Variants in TNXB observed in about 807,000 individuals in gnomAD.
TNXB encodes tenascin-X.
TNXB carries 183 observed loss-of-function variants against 340.5 expected under a neutral mutation model. The observed-to-expected ratio is 0.54, with a 90% confidence interval of 0.48 to 0.61. The LOEUF is 0.61. Ranked by LOEUF, TNXB falls within the 20% of genes least tolerant of loss-of-function variation. The pLI is 0.00. For missense variants in TNXB, 4,613 were observed against 5,446.4 expected, an observed-to-expected ratio of 0.85 and a Z score of 4.82; for synonymous variants, 2,121 against 2,314.5, an observed-to-expected ratio of 0.92 and a Z score of 2.40.
In TNXB at chr6:32,097,617, G is replaced by A. The variant is rs571857213; in HGVS notation, c.404-168C>T. The stretch of plus-strand genomic sequence containing the variant: ...ATGTATGCAGCCTCTCAGGGCCCTC[G>A]CATATGCTTTGGTTGACATGTAGCC... On this transcript the variant is annotated intron_variant, in intron 2 of 43. Transcript: ENST00000644971. This position sits in a 1 kb window ranked among gnomAD's most constrained non-coding sequence, Gnocchi z 5.9. The A allele has an allele frequency of 2.7e-4, 300 of 1,091,636 alleles. 1 individual carries two copies. Among genetic ancestry groups the A allele is most frequent in the Non-Finnish European group, 3.3e-4 (261 of 785,868 alleles). The allele number at this position is 1,091,636 out of a possible 1,614,324, so 67.6% of individuals were successfully genotyped here. A position where few individuals can be genotyped will look rare whatever the true frequency, so the allele number is the denominator to read the frequency against.
At position 32,096,355 on chromosome 6, in the gene TNXB, C is replaced by T. The variant is rs777918124; in HGVS notation, c.1498G>A (p.Asp500Asn). The T allele has an allele frequency of 1.9e-6, 3 of 1,553,844 alleles. No individual in the cohort carries two copies. The highest frequency in any genetic ancestry group is 2.3e-5 in the South Asian group (2 of 85,296). ...RDCGTRACPG[D>N]CRGRGRCVDG... ...ACGCAGCGCCCGCGCCCGCGACAGT[C>T]GCCAGGACAGGCGCGCGTGCCGCAG... Residue 500 changes from aspartate to asparagine, a missense_variant, in exon 3 of 44, where the codon GAC (aspartate) becomes AAC (asparagine). Asp to Asn is a conservative substitution (Grantham distance 23). This residue lies in a region of TNXB where 4,327 missense variants were observed against 4,859.4 expected (regional missense o/e 0.89). Transcript: ENST00000644971.
rs531821098 is a variant in TNXB at position 32,077,104 on chromosome 6, T to C, written c.4375+1929A>G. ...ATCTCTACTGCACCGACTTGGTCAG[T>C]GCCTGACAGAGCCCATCCTTACCCC... is the stretch of plus-strand genomic sequence containing the variant. On this transcript the variant is annotated intron_variant, in intron 11 of 43. Coordinates refer to ENST00000644971, the MANE Select transcript of TNXB (RefSeq NM_001365276.2). Among the ~76,000 whole-genome samples the C allele has an allele frequency of 2.6e-5, 4 of 152,352 alleles. No individual in the cohort carries two copies. In the East Asian group the frequency reaches 7.7e-4, roughly 29 times the overall value.
chr6:32,043,701 C>T (rs1188242644), intron 35 of TNXB, 48 bp downstream of exon 35: 3 of 1,613,300 alleles, frequency 1.9e-6, no homozygotes, highest in Non-Finnish European at 2.5e-6. Flanking sequence ...CCCACCCATG[C>T]CGTTTTCTTG....
chr6:32,067,738 C>T lies in TNXB; in HGVS notation c.6467G>A (p.Gly2156Glu), dbSNP rs772011228. 1 of 1,613,764 alleles carries T rather than the reference C, an allele frequency of 6.2e-7. No homozygotes were observed. Among genetic ancestry groups the T allele is most frequent in the Non-Finnish European group, 8.5e-7 (1 of 1,179,848 alleles). ...GTACAGGTGCATCTTGTACTTGCGCCCAGGCTCCAGGCCCCCCACGGTGAC... is the reference window on the plus strand; with the variant it reads ...GTACAGGTGCATCTTGTACTTGCGCTCAGGCTCCAGGCCCCCCACGGTGAC... ...SEVTVGGLEPGRKYKMHLYGL... is the reference protein window; with the variant it reads ...SEVTVGGLEPERKYKMHLYGL... Residue 2156 changes from glycine (G) to glutamate (E), a missense_variant, in exon 18 of 44, where the codon GGG (glycine) becomes GAG (glutamate). Gly to Glu is a moderately conservative substitution (Grantham distance 98). Transcript: ENST00000644971. This position sits in a 1 kb window ranked among gnomAD's most constrained non-coding sequence, Gnocchi z 4.2.
rs942285884 is a variant in TNXB, at chr6:32,062,821, C to T, written c.6842-338G>A. On this transcript the variant is annotated intron_variant, in intron 19 of 43. Coordinates refer to ENST00000644971, the MANE Select transcript of TNXB (RefSeq NM_001365276.2). The surrounding 1 kb of genome is among the most constrained non-coding windows in gnomAD (Gnocchi z 4.3). The stretch of plus-strand genomic sequence containing the variant: ...CTGTAATCTCAGCACTTTGGGAGGC[C>T]GAGGCGGGCGGATCATGAGGTCAGG... Among the ~76,000 whole-genome samples the T allele has an allele frequency of 6.6e-6, 1 of 151,670 alleles. No individual in the cohort carries two copies. The highest frequency in any genetic ancestry group is 2.1e-4 in the South Asian group (1 of 4,794).
Position 32,073,454 on chromosome 6 carries a change from A to G in TNXB, c.4681+193T>C, listed in dbSNP as rs1467866942. On this transcript the variant is annotated intron_variant, in intron 12 of 43. Transcript: ENST00000644971. This position sits in a 1 kb window ranked among gnomAD's most constrained non-coding sequence, Gnocchi z 4.6. ...AGATGGGGAAGGAGCTGGAGGGCTG[A>G]GAAGGCTCTAGCCCTGGGAGGAGTA... 1.3e-5 allele frequency among the ~76,000 whole-genome samples: 2 copies of G among 151,946 alleles called. No homozygotes were observed. The highest frequency in any genetic ancestry group is 2.9e-5 in the Non-Finnish European group (2 of 67,966).
intron 1 of TNXB, among the ~76,000 whole-genome samples, chr6:32,101,819 G>A (rs1002416263): frequency 6.6e-6 from 1 of 151,988 alleles, no homozygotes; most frequent in African/African-American, 2.4e-5. Context: ...AAACTCCTGG[G>A]CTCAAGTGAT....
chr6:32,046,570 G>T lies in TNXB; in HGVS notation c.10325-114C>A. 1.0e-6 allele frequency: 1 copy of T among 956,582 alleles called. No individual in the cohort carries two copies. The highest frequency in any genetic ancestry group is 1.5e-6 in the Non-Finnish European group (1 of 676,280). 59.3% of individuals were successfully genotyped at this position (956,582 alleles called of 1,614,324 possible). A position where few individuals can be genotyped will look rare whatever the true frequency, so the allele number is the denominator to read the frequency against. ...ATGGTCCCTCCAGTGTAGCCCCAGGGACAGCTCCTTGAGGAGACACACAGG... is the reference window on the plus strand; with the variant it reads ...ATGGTCCCTCCAGTGTAGCCCCAGGTACAGCTCCTTGAGGAGACACACAGG... On this transcript the variant is annotated intron_variant, in intron 30 of 43. Coordinates refer to ENST00000644971, the MANE Select transcript of TNXB (RefSeq NM_001365276.2). This position sits in a 1 kb window ranked among gnomAD's most constrained non-coding sequence, Gnocchi z 6.9.
At chr6:32,056,963 G>C (rs1276104855) in intron 22 of TNXB, 60 bp from the exon 23 acceptor site, 2 of 1,584,498 alleles carry the variant, frequency 1.3e-6, no homozygotes, top group African/African-American at 2.7e-5. Flanking sequence ...GTTCAGCATA[G>C]AAAGGATGTG....
rs1779055120 is a variant in TNXB, at chr6:32,075,875, A to G, written c.4376-1923T>C. ...GGTGGCTGGATGGGTGGGGCTCCCA[A>G]GAACTTGTTTCTCTGGCTTCCTCCG... On this transcript the variant is annotated intron_variant, in intron 11 of 43. Transcript: ENST00000644971. The surrounding 1 kb of genome is among the most constrained non-coding windows in gnomAD (Gnocchi z 4.6). Among the ~76,000 whole-genome samples, 1 of 152,070 alleles carries G rather than the reference A, an allele frequency of 6.6e-6. No individual in the cohort carries two copies. Among genetic ancestry groups the G allele is most frequent in the Non-Finnish European group, 1.5e-5 (1 of 68,046 alleles).
At position 32,049,893 on chromosome 6, in the gene TNXB, T is replaced by C; in HGVS notation, c.9439+105A>G. 1.3e-6 allele frequency: 2 copies of C among 1,542,528 alleles called. No individual in the cohort carries two copies. The highest frequency in any genetic ancestry group is 2.4e-5 in the South Asian group (2 of 83,388). ...TCCCAGCCCCAGCCACAAGCAGTTCTGTGGTGCTGACCAGACCCCTGTCCC... is the reference window on the plus strand; with the variant it reads ...TCCCAGCCCCAGCCACAAGCAGTTCCGTGGTGCTGACCAGACCCCTGTCCC... On this transcript the variant is annotated intron_variant, in intron 27 of 43. Coordinates refer to ENST00000644971, the MANE Select transcript of TNXB (RefSeq NM_001365276.2). The surrounding 1 kb of genome is among the most constrained non-coding windows in gnomAD (Gnocchi z 4.5).
rs150075980 is a variant in TNXB at position 32,057,005 on chromosome 6, G to A, written c.7826-102C>T. 2.1e-3 allele frequency: 3,000 copies of A among 1,436,488 alleles called. 93 individuals are homozygous for A. The East Asian group carries it at 0.064, about 31-fold the overall frequency. The allele number at this position is 1,436,488 out of a possible 1,614,324, so 89.0% of individuals were successfully genotyped here. On this transcript the variant is annotated intron_variant, in intron 22 of 43. Transcript: ENST00000644971. ...AACACAAAGTGCCCAAGAGCAGGACGATGCTGCCCACAGCCCCTCCAGCAC... is the reference window on the plus strand; with the variant it reads ...AACACAAAGTGCCCAAGAGCAGGACAATGCTGCCCACAGCCCCTCCAGCAC...
rs1184647129 is a variant in TNXB, at chr6:32,046,546, T to C, written c.10325-90A>G. 2 of 1,226,186 alleles carry C rather than the reference T, an allele frequency of 1.6e-6. 1 individual carries two copies. Among genetic ancestry groups the C allele is most frequent in the South Asian group, 3.3e-5 (2 of 60,436 alleles). 76.0% of individuals were successfully genotyped at this position (1,226,186 alleles called of 1,614,324 possible). On this transcript the variant is annotated intron_variant, in intron 30 of 43. Coordinates refer to ENST00000644971, the MANE Select transcript of TNXB (RefSeq NM_001365276.2). The surrounding 1 kb of genome is among the most constrained non-coding windows in gnomAD (Gnocchi z 6.9). ...CCCGGAGGTGTGAGGTTCTGGGAAA[T>C]GGTCCCTCCAGTGTAGCCCCAGGGA...
Position 32,068,241 on chromosome 6 carries a change from AG to A in TNXB, c.6220+148del. 5.5e-6 allele frequency: 7 copies of A among 1,265,238 alleles called. No individual in the cohort carries two copies. Among genetic ancestry groups the A allele is most frequent in the Non-Finnish European group, 7.6e-6 (7 of 926,594 alleles). The allele number at this position is 1,265,238 out of a possible 1,614,324, so 78.4% of individuals were successfully genotyped here. A position where few individuals can be genotyped will look rare whatever the true frequency, so the allele number is the denominator to read the frequency against. ...AGGAGGAGCCAGTGGTCAACCTCAC[AG>A]GAAGGCCCAAGGGGAGCCCCAGCCC... On this transcript the variant is annotated intron_variant, in intron 17 of 43. Transcript: ENST00000644971. This position sits in a 1 kb window ranked among gnomAD's most constrained non-coding sequence, Gnocchi z 5.3.
At chr6:32,086,259 T>C in intron 6 of TNXB, 141 bp from the exon 7 acceptor site, 1 of 1,038,532 alleles carries the variant, frequency 9.6e-7, no homozygotes, top group Non-Finnish European at 1.3e-6. Context: ...GGCCACTCCC[T>C]CCTCCCAAAG....
intron 6 of TNXB, among the ~76,000 whole-genome samples, chr6:32,088,268 A>G (rs903469408): frequency 6.6e-6 from 1 of 152,208 alleles, no homozygotes; most frequent in African/African-American, 2.4e-5. Flanking sequence ...GGGGAAGAGA[A>G]CATGAGCTAC....
chr6:32,069,114 A>C lies in TNXB; in HGVS notation c.5610T>G (p.Thr1870=). The part of the protein sequence containing the change: ...AITAGREETE[T]ETTAPTPPAP... Reference sequence around the variant, plus strand: ...CTGGAGGGGTCGGGGCCGTGGTCTCAGTTTCCGTTTCTTCCCTGCCGGCTG... The same window carrying C: ...CTGGAGGGGTCGGGGCCGTGGTCTCCGTTTCCGTTTCTTCCCTGCCGGCTG... Residue 1870 remains threonine, a synonymous_variant, in exon 16 of 44, where the codon ACT becomes ACG. Transcript: ENST00000644971. This position sits in a 1 kb window ranked among gnomAD's most constrained non-coding sequence, Gnocchi z 6.2. The C allele has an allele frequency of 6.2e-7, 1 of 1,609,564 alleles. No homozygotes were observed. The highest frequency in any genetic ancestry group is 1.3e-5 in the African/African-American group (1 of 75,012).
Position 32,050,148 on chromosome 6 carries a change from C to T in TNXB, c.9289G>A (p.Gly3097Arg), listed in dbSNP as rs1307068940. ...CGCACCGCCTTGGGCTGCCCATCCC[C>T]ATTCCTGTACTGGACCAGGAAGTGG... ...FDHFLVQYRN[G>R]DGQPKAVRVP... The change falls in exon 27 of 44, where the codon GGG (glycine) becomes AGG (arginine). Residue 3097 changes from glycine to arginine, a missense_variant. Physicochemically the swap from Gly to Arg is moderately radical, Grantham distance 125 (BLOSUM62 -2). Around this residue, in one of 7 missense-constraint regions of TNXB, gnomAD observed 4,327 missense variants for 4,859.4 expected, o/e 0.89. Transcript: ENST00000644971. 6.2e-7 allele frequency: 1 copy of T among 1,613,884 alleles called. No individual in the cohort carries two copies. The highest frequency in any genetic ancestry group is 8.5e-7 in the Non-Finnish European group (1 of 1,179,892).
chr6:32,086,197 C>T (rs1779766953), intron 6 of TNXB, 79 bp from the exon 7 acceptor site: 1 of 1,409,644 alleles, frequency 7.1e-7, no homozygotes, highest in Non-Finnish European at 9.3e-7. Flanking sequence ...CAGGTTCTGC[C>T]CTCCAGCCTC....
Sources: allele counts gnomAD v4.1 joint callset (sites outside exome capture counted in the v4.1 genomes callset), GRCh38; gene constraint gnomAD v4.1.1; regional missense constraint gnomAD v4.1.1; non-coding constraint Gnocchi (gnomAD v3.1); transcripts MANE v1.5; gene names NCBI Gene and HGNC (gene_info 2026-07-23, HGNC 2026-07-21).